ERCC3: variants seen among roughly 807,000 people sequenced by gnomAD.
ERCC3 encodes ERCC excision repair 3, TFIIH core complex helicase subunit.
In ERCC3, 66 loss-of-function variants were observed where a neutral mutation model predicts 94.2. The observed-to-expected ratio is 0.70, with a 90% CI of 0.57 to 0.86. ERCC3 has a LOEUF of 0.86. ERCC3 is among the 40% of genes least tolerant of loss of function. The pLI is 0.00. For missense variants in ERCC3, 829 were observed against 987.1 expected (o/e 0.84, Z 2.15); for synonymous variants, 349 against 369.1 (o/e 0.95, Z 0.63).
chr2:127,292,326 C>T, intron 3 of ERCC3: 1 of 509,666 alleles, frequency 2.0e-6, no homozygotes, highest in Admixed American at 3.1e-5. Flanking sequence ...ATTAGTAGCC[C>T]CTCTGTGTTA....
chr2:127,293,886 T>G (rs1241223410), intron 1 of ERCC3, 168 bp from the exon 2 acceptor site: 2 of 1,527,966 alleles, frequency 1.3e-6, no homozygotes, highest in South Asian at 2.4e-5. Context: ...TTCGCTGGGC[T>G]GCGCCCAGGT....
At chr2:127,290,028 C>G in intron 4 of ERCC3, 196 bp downstream of exon 4, 1 of 767,666 alleles carries the variant, frequency 1.3e-6, no homozygotes. Flanking sequence ...GGCCTGAGCC[C>G]AGCTCCACTG....
rs1184540214 is a variant in ERCC3 at position 127,274,256 on chromosome 2, A to G, written c.1731-1295T>C. 6.6e-6 allele frequency among the ~76,000 whole-genome samples: 1 copy of G among 151,612 alleles called. No individual in the cohort carries two copies. The highest frequency in any genetic ancestry group is 1.5e-5 in the Non-Finnish European group (1 of 67,896). Reference sequence around the variant, plus strand: ...CTTGAACCTGGGAGGCAGAGGTTGCAGTGAGCCAAGATCACACCACTTCAC... The same window carrying G: ...CTTGAACCTGGGAGGCAGAGGTTGCGGTGAGCCAAGATCACACCACTTCAC... On this transcript the variant is annotated intron_variant, in intron 10 of 14. Transcript: ENST00000285398. This position sits in a 1 kb window ranked among gnomAD's most constrained non-coding sequence, Gnocchi z 4.0.
chr2:127,259,550 G>A lies in ERCC3; in HGVS notation c.2065-102C>T. 6.6e-7 allele frequency: 1 copy of A among 1,506,298 alleles called. No homozygotes were observed. The highest frequency in any genetic ancestry group is 1.1e-5 in the South Asian group (1 of 88,614). The allele number at this position is 1,506,298 out of a possible 1,614,324, so 93.3% of individuals were successfully genotyped here. A position where few individuals can be genotyped will look rare whatever the true frequency, so the allele number is the denominator to read the frequency against. ...CCTGCTTTGGTCACTTCCCTCCCCA[G>A]GCCCAGCCACCCTGGTGGCCAACAA... On this transcript the variant is annotated intron_variant, in intron 13 of 14. Coordinates refer to ENST00000285398, the MANE Select transcript of ERCC3 (RefSeq NM_000122.2). This position sits in a 1 kb window ranked among gnomAD's most constrained non-coding sequence, Gnocchi z 4.9.
chr2:127,279,065 A>C lies in ERCC3; in HGVS notation c.1730+108T>G, dbSNP rs1684825615. Reference sequence around the variant, plus strand: ...CCACAGAACAAGATCTTTGGAGCCCAAGAAGTTCCTGAGAGAAAAACAAAA... The same window carrying C: ...CCACAGAACAAGATCTTTGGAGCCCCAGAAGTTCCTGAGAGAAAAACAAAA... On this transcript the variant is annotated intron_variant, in intron 10 of 14. Transcript: ENST00000285398. This position sits in a 1 kb window ranked among gnomAD's most constrained non-coding sequence, Gnocchi z 4.7. The C allele has an allele frequency of 1.3e-6, 1 of 757,284 alleles. No homozygotes were observed. Among genetic ancestry groups the C allele is most frequent in the African/African-American group, 1.7e-5 (1 of 57,882 alleles). The allele number at this position is 757,284 out of a possible 1,614,324, so 46.9% of individuals were successfully genotyped here. A position where few individuals can be genotyped will look rare whatever the true frequency, so the allele number is the denominator to read the frequency against.
Position 127,257,652 on chromosome 2 carries a change from G to C in ERCC3, c.2293C>G (p.Arg765Gly). ...ACATGTTTGCTGGGCGCCTTGCTCC[G>C]CGATGAGTGGTACTCCATGTACACA... Reference protein sequence around the residue: ...DTVYMEYHSSRSKAPSKHVHP... With the variant: ...DTVYMEYHSSGSKAPSKHVHP... Residue 765 changes from arginine (R) to glycine (G), a missense_variant, in exon 15 of 15, where the codon CGG becomes GGG. Physicochemically the swap from Arg to Gly is moderately radical, Grantham distance 125. Transcript: ENST00000285398. The surrounding 1 kb of genome is among the most constrained non-coding windows in gnomAD (Gnocchi z 5.4). The C allele has an allele frequency of 6.2e-7, 1 of 1,614,146 alleles. No individual in the cohort carries two copies. The highest frequency in any genetic ancestry group is 8.5e-7 in the Non-Finnish European group (1 of 1,180,030).
At chr2:127,269,923 G>A (rs1684497690) in intron 12 of ERCC3, among the ~76,000 whole-genome samples, 1 of 152,040 alleles carries the variant, frequency 6.6e-6, no homozygotes. Flanking sequence ...GGAGGCTGAG[G>A]CAGGTGAATC....
rs766592763 is a variant in ERCC3 at position 127,257,610 on chromosome 2, G to A, written c.2335C>T (p.Arg779Cys). The change falls in exon 15 of 15, where the codon CGC becomes TGC. Residue 779 changes from arginine (R) to cysteine (C), a missense_variant. Arg to Cys is a radical substitution (Grantham distance 180). Transcript: ENST00000285398. This position sits in a 1 kb window ranked among gnomAD's most constrained non-coding sequence, Gnocchi z 5.4. ...PSKHVHPLFK[R>C]FRK ...CTGCCTAAGCATCATTTCCTAAAGC[G>A]CTTGAAGAGCGGGTGTACATGTTTG... The A allele has an allele frequency of 7.1e-5, 114 of 1,613,914 alleles. No individual in the cohort carries two copies. The highest frequency in any genetic ancestry group is 9.1e-5 in the Non-Finnish European group (107 of 1,180,044).
At chr2:127,289,260 G>A (rs1422520615) in intron 6 of ERCC3, 77 bp downstream of exon 6, 2 of 1,315,548 alleles carry the variant, frequency 1.5e-6, no homozygotes, top group Non-Finnish European at 2.2e-6. Flanking sequence ...CAGACTACAG[G>A]CAGAGTCGAC....
intron 12 of ERCC3, chr2:127,261,663 A>C: frequency 2.7e-6 from 1 of 369,916 alleles, no homozygotes; most frequent in Non-Finnish European, 5.2e-6. Flanking sequence ...TGAGAGAAGA[A>C]TATGAACAGA....
At chr2:127,292,883 C>CAT in intron 2 of ERCC3, 37 bp from the exon 3 acceptor site, 1 of 1,353,362 alleles carries the variant, frequency 7.4e-7, no homozygotes. Context: ...GACAAGGAAA[C>CAT]ATGAGTTGCA....
At chr2:127,270,686 A>G (rs1309289977) in intron 12 of ERCC3, among the ~76,000 whole-genome samples, 1 of 152,218 alleles carries the variant, frequency 6.6e-6, no homozygotes, top group Non-Finnish European at 1.5e-5. Context: ...CCCTGGTCCC[A>G]GTAAGACAGA....
intron 10 of ERCC3, among the ~76,000 whole-genome samples, chr2:127,273,322 CAAA>C (rs978879586): frequency 6.6e-6 from 1 of 151,984 alleles, no homozygotes; most frequent in Non-Finnish European, 1.5e-5. Flanking sequence ...CTGCTATTTC[CAAA>C]AAAAGGCTGG....
chr2:127,288,508 C>T (rs778355439), intron 7 of ERCC3, 152 bp downstream of exon 7: 2 of 795,400 alleles, frequency 2.5e-6, no homozygotes, highest in Non-Finnish European at 4.5e-6. Context: ...AGCAAGCACT[C>T]AAATATTTGT....
Position 127,280,940 on chromosome 2 carries a change from G to C in ERCC3, c.1343-309C>G. ...ACAGAAGCTGGCTCTAGACAAGAAT[G>C]ACTAGGCAAATGCTTCACCATCACT... On this transcript the variant is annotated intron_variant, in intron 8 of 14. Transcript: ENST00000285398. This position sits in a 1 kb window ranked among gnomAD's most constrained non-coding sequence, Gnocchi z 6.3. The C allele has an allele frequency of 2.0e-6, 1 of 496,780 alleles. No individual in the cohort carries two copies. Among genetic ancestry groups the C allele is most frequent in the Non-Finnish European group, 3.5e-6 (1 of 283,816 alleles). 30.8% of individuals were successfully genotyped at this position (496,780 alleles called of 1,614,324 possible).
At position 127,293,698 on chromosome 2, in the gene ERCC3, G is replaced by A. The variant is rs779316093; in HGVS notation, c.49C>T (p.Arg17Trp). The A allele has an allele frequency of 1.9e-6, 3 of 1,613,040 alleles. No homozygotes were observed. The highest frequency in any genetic ancestry group is 2.5e-6 in the Non-Finnish European group (3 of 1,180,014). Residue 17 changes from arginine (R) to tryptophan (W), a missense_variant, in exon 2 of 15, where the codon CGG becomes TGG. Arg to Trp is a moderately radical substitution (Grantham distance 101). Coordinates refer to ENST00000285398, the MANE Select transcript of ERCC3 (RefSeq NM_000122.2). ...TCATCCTCTTCATCCTCATAGTGCC[G>A]CTTCCTGGATTTCTTCTTGTCTGCA... ...ADRDKKKSRK[R>W]HYEDEEDDEE...
chr2:127,259,575 A>C lies in ERCC3; in HGVS notation c.2065-127T>G. The C allele has an allele frequency of 2.7e-5, 32 of 1,178,098 alleles. No individual in the cohort carries two copies. Among genetic ancestry groups the C allele is most frequent in the Non-Finnish European group, 3.5e-5 (28 of 796,010 alleles). The allele number at this position is 1,178,098 out of a possible 1,614,324, so 73.0% of individuals were successfully genotyped here. A position where few individuals can be genotyped will look rare whatever the true frequency, so the allele number is the denominator to read the frequency against. On this transcript the variant is annotated intron_variant, in intron 13 of 14. Coordinates refer to ENST00000285398, the MANE Select transcript of ERCC3 (RefSeq NM_000122.2). This position sits in a 1 kb window ranked among gnomAD's most constrained non-coding sequence, Gnocchi z 4.9. ...GGCCCAGCCACCCTGGTGGCCAACAATGGAGAGCTCCTCCCTAGCATTCCA... is the reference window on the plus strand; with the variant it reads ...GGCCCAGCCACCCTGGTGGCCAACACTGGAGAGCTCCTCCCTAGCATTCCA...
chr2:127,267,040 T>C (rs1338824219), intron 12 of ERCC3, among the ~76,000 whole-genome samples: 8 of 152,194 alleles, frequency 5.3e-5, no homozygotes, highest in Non-Finnish European at 1.0e-4. Flanking sequence ...TAAGAGTATA[T>C]TCTGGGGGCA....
intron 10 of ERCC3, among the ~76,000 whole-genome samples, chr2:127,278,403 C>A (rs1426909450): frequency 6.6e-6 from 1 of 152,080 alleles, no homozygotes; most frequent in Non-Finnish European, 1.5e-5. Context: ...ATTAAAAAGT[C>A]TTTCTAAATT....
Sources: gnomAD v4.1 joint callset for allele counts (sites outside exome capture counted in the v4.1 genomes callset) on GRCh38, gnomAD v4.1.1 for gene constraint, Gnocchi (gnomAD v3.1) non-coding constraint, MANE v1.5 for transcripts, NCBI Gene and HGNC (gene_info 2026-07-23, HGNC 2026-07-21) for gene names.